Variants in GALNT13 observed in about 807,000 individuals in gnomAD.
The protein encoded by GALNT13 is UDP-GalNAc:polypeptide N-acetylgalactosaminyltransferase 13.
A neutral mutation model predicts 64.2 loss-of-function variants in GALNT13; 28 were observed. That is an observed-to-expected ratio of 0.44 (90% CI 0.32 to 0.60). The LOEUF is 0.60. Ranked by LOEUF, GALNT13 falls within the 20% of genes least tolerant of loss-of-function variation. The pLI is 0.05. For synonymous variants in GALNT13, 214 were observed against 224.6 expected, an observed-to-expected ratio of 0.95 and a Z score of 0.42; for missense variants, 577 against 669.8, an observed-to-expected ratio of 0.86 and a Z score of 1.53.
the GALNT13 span, among the ~76,000 whole-genome samples, chr2:153,200,010 G>A: frequency 6.6e-6 from 1 of 152,156 alleles, no homozygotes; most frequent in Non-Finnish European, 1.5e-5. Flanking sequence ...TTTTAGTAAA[G>A]TTGCTTATAT....
chr2:153,673,468 T>C, the GALNT13 span, among the ~76,000 whole-genome samples: 1 of 152,154 alleles, frequency 6.6e-6, no homozygotes, highest in Non-Finnish European at 1.5e-5. Flanking sequence ...CACATGATTA[T>C]CTCAATAGAT....
rs1049325768 is a variant in GALNT13 at position 154,269,031 on chromosome 2, A to T, written c.975+9893A>T. Among the ~76,000 whole-genome samples, 4 of 152,104 alleles carry T rather than the reference A, an allele frequency of 2.6e-5. No individual in the cohort carries two copies. In the East Asian group the frequency reaches 7.7e-4, roughly 29 times the overall value. On this transcript the variant is annotated intron_variant, in intron 8 of 12. Coordinates refer to ENST00000392825, the MANE Select transcript of GALNT13 (RefSeq NM_052917.4). ...TTTACCTGAAGAATATAGCTAAGTG[A>T]AATGTCTTCTCATGTGAAATCCATG...
the GALNT13 span, among the ~76,000 whole-genome samples, chr2:153,106,887 A>G: frequency 6.6e-6 from 1 of 152,180 alleles, no homozygotes; most frequent in Non-Finnish European, 1.5e-5. Flanking sequence ...ATCTGTTTAA[A>G]TTGTGCTTAT....
chr2:153,646,721 T>C, the GALNT13 span, among the ~76,000 whole-genome samples: 1 of 152,180 alleles, frequency 6.6e-6, no homozygotes, highest in Non-Finnish European at 1.5e-5. Context: ...TGTTTGGTTT[T>C]TTCGTCCTTG....
the GALNT13 span, chr2:153,478,629 AG>A: frequency 7.6e-7 from 1 of 1,323,116 alleles, no homozygotes; most frequent in East Asian, 2.5e-5. Flanking sequence ...GCGGCGCTGG[AG>A]GAACAGGTGC....
chr2:154,021,778 C>T (rs1386180089), intron 3 of GALNT13, among the ~76,000 whole-genome samples: 2 of 151,370 alleles, frequency 1.3e-5, no homozygotes, highest in East Asian at 3.9e-4. Context: ...CTGTCTTGTG[C>T]CCGTTTTCAA....
the GALNT13 span, among the ~76,000 whole-genome samples, chr2:153,487,203 A>G: frequency 4.6e-5 from 7 of 152,236 alleles, no homozygotes; most frequent in East Asian, 1.2e-3. Context: ...CAAGAGAGAA[A>G]CAATGTAGGT....
chr2:154,298,529 AT>A (rs1288066440), intron 8 of GALNT13, among the ~76,000 whole-genome samples: 3 of 78,832 alleles, frequency 3.8e-5, no homozygotes, highest in African/African-American at 1.3e-4. Flanking sequence ...TATATATAAA[AT>A]TGTATATATT....
intron 4 of GALNT13, among the ~76,000 whole-genome samples, chr2:154,234,740 A>G (rs1324193640): frequency 6.6e-6 from 1 of 152,174 alleles, no homozygotes; most frequent in Non-Finnish European, 1.5e-5. Context: ...TAATTCATAC[A>G]ATATGACTCC....
chr2:153,585,347 A>G, the GALNT13 span, among the ~76,000 whole-genome samples: 2 of 152,310 alleles, frequency 1.3e-5, no homozygotes, highest in East Asian at 1.9e-4. Flanking sequence ...GAACTTGAAG[A>G]CAGATCTTTT....
At chr2:153,603,515 C>A in the GALNT13 span, among the ~76,000 whole-genome samples, 1 of 151,912 alleles carries the variant, frequency 6.6e-6, no homozygotes, top group Non-Finnish European at 1.5e-5. Flanking sequence ...TAGCTCTATT[C>A]TTTTCATGTT....
chr2:153,216,526 C>G, the GALNT13 span, among the ~76,000 whole-genome samples: 1 of 152,004 alleles, frequency 6.6e-6, no homozygotes, highest in Non-Finnish European at 1.5e-5. Context: ...ACAGTAGTAT[C>G]TCATTGTGCC....
At chr2:154,190,666 T>G (rs1347866397) in intron 4 of GALNT13, among the ~76,000 whole-genome samples, 1 of 152,158 alleles carries the variant, frequency 6.6e-6, no homozygotes, top group Non-Finnish European at 1.5e-5. Flanking sequence ...TCAAACACCA[T>G]AAGTGCAGTT....
chr2:153,538,471 A>G, the GALNT13 span, among the ~76,000 whole-genome samples: 1 of 125,218 alleles, frequency 8.0e-6, no homozygotes, highest in African/African-American at 3.2e-5. Context: ...TACATGTGCC[A>G]TGCTGGTGCG....
intron 3 of GALNT13, among the ~76,000 whole-genome samples, chr2:154,053,613 G>A (rs1699757916): frequency 6.6e-6 from 1 of 151,998 alleles, no homozygotes; most frequent in Admixed American, 6.6e-5. Context: ...AGTGCCTTAA[G>A]CTCCTATGAT....
chr2:154,353,535 C>T (rs960714888), intron 9 of GALNT13, among the ~76,000 whole-genome samples: 17 of 152,188 alleles, frequency 1.1e-4, no homozygotes, highest in Non-Finnish European at 2.2e-4. Flanking sequence ...TCATCCTACA[C>T]ATCTGCTACT....
At chr2:154,098,282 G>A (rs938529154) in intron 3 of GALNT13, among the ~76,000 whole-genome samples, 6 of 151,866 alleles carry the variant, frequency 4.0e-5, no homozygotes, top group African/African-American at 1.4e-4. Flanking sequence ...GTAAACTAAG[G>A]TGTGTTTTAT....
chr2:153,395,302 T>G, the GALNT13 span, among the ~76,000 whole-genome samples: 22,041 of 152,104 alleles, frequency 0.14, 1,671 homozygotes, highest in African/African-American at 0.16. Context: ...ATGAGTATTT[T>G]GAGGGTCAGT....
chr2:154,365,425 G>C (rs1377536744), intron 9 of GALNT13, among the ~76,000 whole-genome samples: 1 of 152,148 alleles, frequency 6.6e-6, no homozygotes, highest in Non-Finnish European at 1.5e-5. Flanking sequence ...ATTTTAAAAA[G>C]AGAATGAAAA....
Sources: allele counts gnomAD v4.1 joint callset (sites outside exome capture counted in the v4.1 genomes callset), GRCh38; gene constraint gnomAD v4.1.1; transcripts MANE v1.5; gene names NCBI Gene and HGNC (gene_info 2026-07-23, HGNC 2026-07-21).